The following ITIH5 variants were observed in gnomAD, a reference collection of about 807,000 sequenced individuals.
ITIH5 encodes the protein inter-alpha-trypsin inhibitor heavy chain 5.
A neutral mutation model predicts 77.5 loss-of-function variants in ITIH5; 65 were observed. The observed-to-expected ratio is 0.84, with a 90% CI of 0.69 to 1.03. ITIH5 has a LOEUF of 1.03. ITIH5 is among the 50% of genes least tolerant of loss of function. The pLI, the probability that ITIH5 is intolerant of heterozygous loss-of-function variation, is 0.00. For synonymous variants in ITIH5, 525 were observed against 494.3 expected (o/e 1.06, Z -0.82); for missense variants, 1,208 against 1,213.1 (o/e 1.00, Z 0.06).
chr10:7,647,170 C>G (rs1422625900), intron 2 of ITIH5, among the ~76,000 whole-genome samples: 2 of 152,204 alleles, frequency 1.3e-5, no homozygotes, highest in Non-Finnish European at 2.9e-5. Context: ...TTGGAAAGTC[C>G]TTTCAGATGT....
In ITIH5 at chr10:7,616,072, G is replaced by A; in HGVS notation, c.849C>T (p.Tyr283=). ...AAGGAGGAAGGTCTTTAGGAGCAAAGTAGTGCACAAAATAGCCATTTAGAA... is the reference window on the plus strand; with the variant it reads ...AAGGAGGAAGGTCTTTAGGAGCAAAATAGTGCACAAAATAGCCATTTAGAA... The part of the protein sequence containing the change: ...IQVLNGYFVH[Y]FAPKDLPPLP... The change falls in exon 7 of 14, where the codon TAC becomes TAT. Residue 283 remains tyrosine (Y), a synonymous_variant. Transcript: ENST00000397146. 6.2e-7 allele frequency: 1 copy of A among 1,611,496 alleles called. No individual in the cohort carries two copies. The highest frequency in any genetic ancestry group is 2.2e-5 in the East Asian group (1 of 44,870).
intron 8 of ITIH5, among the ~76,000 whole-genome samples, chr10:7,580,340 A>G (rs533712583): frequency 6.6e-6 from 1 of 152,070 alleles, no homozygotes; most frequent in Non-Finnish European, 1.5e-5. Flanking sequence ...GGCTGGTCTC[A>G]AACTCCTGAC....
intron 5 of ITIH5, 76 bp downstream of exon 5, chr10:7,637,152 G>T: frequency 1.3e-6 from 2 of 1,522,440 alleles, no homozygotes; most frequent in Non-Finnish European, 1.8e-6. Context: ...GCCATCTCTT[G>T]CAGATTTCTC....
chr10:7,646,749 T>C (rs1009745313), intron 2 of ITIH5, among the ~76,000 whole-genome samples: 3 of 152,172 alleles, frequency 2.0e-5, no homozygotes, highest in African/African-American at 7.2e-5. Context: ...CAAGTGTAGA[T>C]GAACTCACAG....
Position 7,559,858 on chromosome 10 carries a change from TTTTG to T in ITIH5, c.*3221_*3224del, listed in dbSNP as rs984549741. 39 of 421,348 alleles carry T rather than the reference TTTTG, an allele frequency of 9.3e-5. No individual in the cohort carries two copies. The highest frequency in any genetic ancestry group is 1.4e-4 in the South Asian group (8 of 57,398). The allele number at this position is 421,348 out of a possible 1,614,324, so 26.1% of individuals were successfully genotyped here. A position where few individuals can be genotyped will look rare whatever the true frequency, so the allele number is the denominator to read the frequency against. ...TCTCCCATGTCTTTTTTTTGTTTTG[TTTTG>T]TTTTTTTTTGACGGAGTTTGGCTCT... On this transcript the variant is annotated 3_prime_UTR_variant, in exon 14 of 14. Coordinates refer to ENST00000397146, the MANE Select transcript of ITIH5 (RefSeq NM_030569.7).
At chr10:7,581,721 C>T (rs1487961718) in intron 8 of ITIH5, among the ~76,000 whole-genome samples, 37 of 101,714 alleles carry the variant, frequency 3.6e-4, no homozygotes, top group Middle Eastern at 5.4e-3. Context: ...TCTTTTCCTT[C>T]TTTTTTTTTT....
chr10:7,585,564 T>C (rs1268254188), intron 8 of ITIH5, among the ~76,000 whole-genome samples: 33 of 152,084 alleles, frequency 2.2e-4, no homozygotes, highest in Non-Finnish European at 2.9e-5. Context: ...TGGCTGTAAT[T>C]CTCCACCCCA....
intron 5 of ITIH5, among the ~76,000 whole-genome samples, chr10:7,633,422 C>T (rs1833744209): frequency 6.6e-6 from 1 of 152,112 alleles, no homozygotes; most frequent in South Asian, 2.1e-4. Context: ...GATTGTATTG[C>T]TCTTAGCCTT....
chr10:7,611,393 T>G lies in ITIH5; in HGVS notation c.939+4589A>C, dbSNP rs542891786. Among the ~76,000 whole-genome samples, 33 of 152,370 alleles carry G rather than the reference T, an allele frequency of 2.2e-4. No homozygotes were observed. In the South Asian group the frequency reaches 6.6e-3, roughly 31 times the overall value. ...GTACATTTAGGAGACCCTAATTTAG[T>G]TCATTAGTTTTTCTCTGGATAATTT... On this transcript the variant is annotated intron_variant, in intron 7 of 13. Coordinates refer to ENST00000397146, the MANE Select transcript of ITIH5 (RefSeq NM_030569.7).
At chr10:7,609,918 C>T (rs953611226) in intron 7 of ITIH5, among the ~76,000 whole-genome samples, 2 of 151,942 alleles carry the variant, frequency 1.3e-5, no homozygotes, top group African/African-American at 4.8e-5. Flanking sequence ...AAGTGGACAC[C>T]ATGGTCAAGG....
chr10:7,572,101 A>C, intron 11 of ITIH5: 1 of 1,037,132 alleles, frequency 9.6e-7, no homozygotes. Flanking sequence ...CTTTTCTGGC[A>C]TTCCATAAAG....
intron 8 of ITIH5, among the ~76,000 whole-genome samples, chr10:7,581,946 G>C (rs950369459): frequency 2.8e-5 from 4 of 145,204 alleles, no homozygotes; most frequent in Non-Finnish European, 4.5e-5. Context: ...CGTGATCTTG[G>C]CTCACTGCAA....
chr10:7,581,250 A>T (rs1832546216), intron 8 of ITIH5, among the ~76,000 whole-genome samples: 1 of 150,962 alleles, frequency 6.6e-6, no homozygotes. Flanking sequence ...ACAGAGTGAG[A>T]CGCGGTCTCA....
At chr10:7,577,260 GA>G (rs201896740) in intron 9 of ITIH5, among the ~76,000 whole-genome samples, 4 of 152,236 alleles carry the variant, frequency 2.6e-5, no homozygotes, top group Non-Finnish European at 5.9e-5. Flanking sequence ...CTCATGATGA[GA>G]AAAAACCTGC....
chr10:7,631,146 A>T (rs1833705462), intron 5 of ITIH5, among the ~76,000 whole-genome samples: 1 of 150,466 alleles, frequency 6.6e-6, no homozygotes, highest in Non-Finnish European at 1.5e-5. Context: ...TGTCCGTTGC[A>T]ATCACAAGGG....
intron 1 of ITIH5, among the ~76,000 whole-genome samples, chr10:7,663,584 A>T (rs1404713181): frequency 6.6e-6 from 1 of 152,164 alleles, no homozygotes; most frequent in Non-Finnish European, 1.5e-5. Flanking sequence ...TCATTTTAGC[A>T]CCTAATTTTG....
Position 7,562,930 on chromosome 10 carries a change from A to G in ITIH5, c.*153T>C. 1 of 449,148 alleles carries G rather than the reference A, an allele frequency of 2.2e-6. No individual in the cohort carries two copies. Among genetic ancestry groups the G allele is most frequent in the Non-Finnish European group, 4.4e-6 (1 of 227,496 alleles). 27.8% of individuals were successfully genotyped at this position (449,148 alleles called of 1,614,324 possible). A position where few individuals can be genotyped will look rare whatever the true frequency, so the allele number is the denominator to read the frequency against. On this transcript the variant is annotated 3_prime_UTR_variant, in exon 14 of 14. Coordinates refer to ENST00000397146, the MANE Select transcript of ITIH5 (RefSeq NM_030569.7). Reference sequence around the variant, plus strand: ...CCCTACCCACCCCTACCCTTCGCCCAGACAGACGTCGGATCTATGCTGCAC... The same window carrying G: ...CCCTACCCACCCCTACCCTTCGCCCGGACAGACGTCGGATCTATGCTGCAC...
At chr10:7,632,635 T>C (rs1221423285) in intron 5 of ITIH5, among the ~76,000 whole-genome samples, 1 of 152,168 alleles carries the variant, frequency 6.6e-6, no homozygotes, top group East Asian at 1.9e-4. Flanking sequence ...GTATAGAATA[T>C]CACACCCAAA....
chr10:7,573,278 A>C (rs936866479), intron 10 of ITIH5, 83 bp from the exon 11 acceptor site: 7 of 1,087,046 alleles, frequency 6.4e-6, no homozygotes, highest in Non-Finnish European at 9.9e-6. Flanking sequence ...AGGAGACATG[A>C]GCAAAACACA....
Sources: allele counts gnomAD v4.1 joint callset (sites outside exome capture counted in the v4.1 genomes callset), GRCh38; gene constraint gnomAD v4.1.1; transcripts MANE v1.5; gene names NCBI Gene and HGNC (gene_info 2026-07-23, HGNC 2026-07-21).